Variants in SMIM17 observed in about 807,000 individuals in gnomAD.
SMIM17 encodes the protein small integral membrane protein 17.
SMIM17 carries 10 observed loss-of-function variants against 12.2 expected under a neutral mutation model. That is an observed-to-expected ratio of 0.82 (90% CI 0.50 to 1.39). The LOEUF is 1.39. SMIM17 is among the 40% of genes most tolerant of loss of function. The pLI is 0.00. For missense variants in SMIM17, 136 were observed against 118.2 expected (o/e 1.15, Z -0.70); for synonymous variants, 50 against 44.1 (o/e 1.13, Z -0.53).
rs2045141942 is a variant in SMIM17, at chr19:56,655,365, T to G, written c.*152T>G. The G allele has an allele frequency of 4.0e-6, 2 of 502,222 alleles. No homozygotes were observed. The highest frequency in any genetic ancestry group is 7.1e-6 in the Non-Finnish European group (2 of 283,550). 31.1% of individuals were successfully genotyped at this position (502,222 alleles called of 1,614,324 possible). A position where few individuals can be genotyped will look rare whatever the true frequency, so the allele number is the denominator to read the frequency against. On this transcript the variant is annotated 3_prime_UTR_variant, in exon 4 of 4. Transcript: ENST00000598409. ...CCTTTGAGATGATTTTTAAAAAATTTTTGGTGTGAGTTTTCACATACTTTA... is the reference window on the plus strand; with the variant it reads ...CCTTTGAGATGATTTTTAAAAAATTGTTGGTGTGAGTTTTCACATACTTTA...
At position 56,645,790 on chromosome 19, in the gene SMIM17, G is replaced by C. The variant is rs1313860737; in HGVS notation, c.123G>C (p.Trp41Cys). The C allele has an allele frequency of 1.3e-6, 2 of 1,535,768 alleles. No individual in the cohort carries two copies. The highest frequency in any genetic ancestry group is 1.7e-6 in the Non-Finnish European group (2 of 1,146,830). Residue 41 changes from tryptophan to cysteine, a missense_variant, in exon 2 of 4, where the codon TGG (tryptophan) becomes TGC (cysteine). By Grantham distance (215) the Trp-to-Cys change is radical (BLOSUM62 -2). Coordinates refer to ENST00000598409, the MANE Select transcript of SMIM17 (RefSeq NM_001193628.2). Reference protein sequence around the residue: ...KPPHPACTKDWEAVEVGASSH... With the variant: ...KPPHPACTKDCEAVEVGASSH... ...CTCATCCCGCCTGCACCAAAGACTG[G>C]GAGGCTGTGGAGGTTGGGGCCTCCA... is the stretch of plus-strand genomic sequence containing the variant.
At chr19:56,649,939 G>C (rs2045096501) in intron 3 of SMIM17, among the ~76,000 whole-genome samples, 1 of 152,102 alleles carries the variant, frequency 6.6e-6, no homozygotes, top group African/African-American at 2.4e-5. Flanking sequence ...CCACACCGAG[G>C]AGGTTGGATG....
chr19:56,645,769 T>G lies in SMIM17; in HGVS notation c.102T>G (p.His34Gln), dbSNP rs1333588404. Residue 34 changes from histidine to glutamine, a missense_variant, in exon 2 of 4, where the codon CAT (histidine) becomes CAG (glutamine). Coordinates refer to ENST00000598409, the MANE Select transcript of SMIM17 (RefSeq NM_001193628.2). ...RESRAWEKPP[H>Q]PACTKDWEAV... ...GCCGGGCCTGGGAGAAGCCTCCTCA[T>G]CCCGCCTGCACCAAAGACTGGGAGG... 6.5e-7 allele frequency: 1 copy of G among 1,535,794 alleles called. No homozygotes were observed. The highest frequency in any genetic ancestry group is 2.0e-5 in the Admixed American group (1 of 50,974).
intron 3 of SMIM17, among the ~76,000 whole-genome samples, chr19:56,650,216 G>C (rs1220487277): frequency 1.3e-5 from 2 of 152,058 alleles, no homozygotes; most frequent in African/African-American, 4.8e-5. Flanking sequence ...CACCAGGCTG[G>C]AGTGCAGTGG....
chr19:56,647,929 C>T (rs2045076840), intron 3 of SMIM17, among the ~76,000 whole-genome samples: 1 of 152,036 alleles, frequency 6.6e-6, no homozygotes, highest in Non-Finnish European at 1.5e-5. Context: ...CATCCACCCT[C>T]TTACCTTTCC....
In SMIM17 at chr19:56,647,370, TGGGGTTGTGTGTTTGTGTGTGTGTGA is replaced by T. The variant is rs1260108730; in HGVS notation, c.170-186_170-161del. On this transcript the variant is annotated intron_variant, in intron 2 of 3. Coordinates refer to ENST00000598409, the MANE Select transcript of SMIM17 (RefSeq NM_001193628.2). ...AGGCATATGTGTGTTTGTGTGTGTG[TGGGGTTGTGTGTTTGTGTGTGTGTGA>T]GAGAGAGAGAGAGAGAAGGAGGGTG... is the stretch of plus-strand genomic sequence containing the variant. 3.4e-3 allele frequency among the ~76,000 whole-genome samples: 511 copies of T among 148,264 alleles called. 2 individuals are homozygous for T. The highest frequency in any genetic ancestry group is 0.012 in the African/African-American group (476 of 38,158).
chr19:56,644,713 C>A (rs77986486), intron 1 of SMIM17, among the ~76,000 whole-genome samples: 4,041 of 152,270 alleles, frequency 0.027, 171 homozygotes, highest in African/African-American at 0.092. Context: ...AGAAGTATTT[C>A]TCTGGACCTA....
chr19:56,643,736 G>C (rs1402525117), intron 1 of SMIM17, among the ~76,000 whole-genome samples: 1 of 152,222 alleles, frequency 6.6e-6, no homozygotes, highest in Non-Finnish European at 1.5e-5. Context: ...CTTCTGAGCT[G>C]TGTGGCTTTG....
In SMIM17 at chr19:56,655,827, G is replaced by C. The variant is rs1022253658; in HGVS notation, c.*614G>C. On this transcript the variant is annotated 3_prime_UTR_variant, in exon 4 of 4. Transcript: ENST00000598409. ...TTACATGAATTCATTGTTATAACCAGGTCATAGAGTCATGGAGAGAACGTT... is the reference window on the plus strand; with the variant it reads ...TTACATGAATTCATTGTTATAACCACGTCATAGAGTCATGGAGAGAACGTT... 2.6e-5 allele frequency: 4 copies of C among 152,244 alleles called. No homozygotes were observed. Among genetic ancestry groups the C allele is most frequent in the African/African-American group, 9.7e-5 (4 of 41,442 alleles). 9.4% of individuals were successfully genotyped at this position (152,244 alleles called of 1,614,324 possible). A position where few individuals can be genotyped will look rare whatever the true frequency, so the allele number is the denominator to read the frequency against.
At chr19:56,648,172 AT>A in intron 3 of SMIM17, among the ~76,000 whole-genome samples, 1 of 137,184 alleles carries the variant, frequency 7.3e-6, no homozygotes. Flanking sequence ...CCATCCATCC[AT>A]CCATCCATGC....
rs1343951497 is a variant in SMIM17 at position 56,655,956 on chromosome 19, T to TG, written c.*743_*744insG. On this transcript the variant is annotated 3_prime_UTR_variant, in exon 4 of 4. Coordinates refer to ENST00000598409, the MANE Select transcript of SMIM17 (RefSeq NM_001193628.2). ...TTTGGCGAATTACAGAGGTTTTTGT[T>TG]TTTTTTTTTTTTTGAGACCGAGTCT... 2.0e-5 allele frequency among the ~76,000 whole-genome samples: 3 copies of TG among 149,032 alleles called. No homozygotes were observed. Among genetic ancestry groups the TG allele is most frequent in the Admixed American group, 6.7e-5 (1 of 14,944 alleles).
chr19:56,648,104 TC>T (rs1555778378), intron 3 of SMIM17, among the ~76,000 whole-genome samples: 1 of 137,188 alleles, frequency 7.3e-6, no homozygotes, highest in Non-Finnish European at 1.6e-5. Context: ...CATCCATCCA[TC>T]CCTATACTTC....
chr19:56,644,143 C>A (rs1444783718), intron 1 of SMIM17, among the ~76,000 whole-genome samples: 1 of 152,092 alleles, frequency 6.6e-6, no homozygotes, highest in African/African-American at 2.4e-5. Context: ...CCTGCATTTT[C>A]TCCTTTCTCA....
intron 3 of SMIM17, among the ~76,000 whole-genome samples, chr19:56,652,926 A>G (rs1600621634): frequency 6.6e-6 from 1 of 152,296 alleles, no homozygotes; most frequent in African/African-American, 2.4e-5. Context: ...AACAGAAATA[A>G]AGAGAAATTA....
chr19:56,656,686 A>AATTACATTGTAGTGTGTCTAAAT lies in SMIM17; in HGVS notation c.*1489_*1511dup, dbSNP rs1568520184. 6.6e-5 allele frequency among the ~76,000 whole-genome samples: 10 copies of AATTACATTGTAGTGTGTCTAAAT among 152,340 alleles called. No homozygotes were observed. In the South Asian group the frequency reaches 1.7e-3, roughly 25 times the overall value. On this transcript the variant is annotated 3_prime_UTR_variant, in exon 4 of 4. Transcript: ENST00000598409. Reference sequence around the variant, plus strand: ...TTCATTTTTGTTTATGTTGTCTAAAAATTACATTGTAGTGTGTCTAAATAT... The same window carrying AATTACATTGTAGTGTGTCTAAAT: ...TTCATTTTTGTTTATGTTGTCTAAAAATTACATTGTAGTGTGTCTAAATATTACATTGTAGTGTGTCTAAATAT...
chr19:56,649,943 T>C (rs1253356773), intron 3 of SMIM17, among the ~76,000 whole-genome samples: 1 of 151,686 alleles, frequency 6.6e-6, no homozygotes, highest in Non-Finnish European at 1.5e-5. Flanking sequence ...ACCGAGGAGG[T>C]TGGATGTGTT....
intron 1 of SMIM17, among the ~76,000 whole-genome samples, chr19:56,645,136 T>C (rs557693693): frequency 6.6e-6 from 1 of 152,202 alleles, no homozygotes; most frequent in East Asian, 1.9e-4. Context: ...TGAGTATGAA[T>C]GTGAGTGTGT....
At chr19:56,644,475 A>C (rs1204456779) in intron 1 of SMIM17, among the ~76,000 whole-genome samples, 2 of 152,168 alleles carry the variant, frequency 1.3e-5, no homozygotes, top group Admixed American at 1.3e-4. Flanking sequence ...GACATCATGA[A>C]ATGTAGAAAA....
At chr19:56,650,762 C>T (rs1235497021) in intron 3 of SMIM17, among the ~76,000 whole-genome samples, 1 of 152,178 alleles carries the variant, frequency 6.6e-6, no homozygotes, top group East Asian at 1.9e-4. Context: ...CAGGGACAAG[C>T]CCAGGGGCAA....
Sources: allele counts gnomAD v4.1 joint callset (sites outside exome capture counted in the v4.1 genomes callset), GRCh38; gene constraint gnomAD v4.1.1; transcripts MANE v1.5; gene names NCBI Gene and HGNC (gene_info 2026-07-23, HGNC 2026-07-21).